Variants in CSMD3 observed in about 807,000 individuals in gnomAD.
The protein encoded by CSMD3 is CUB and Sushi multiple domains 3.
Under a neutral mutation model 435.2 loss-of-function variants are expected in CSMD3, and 177 were observed. The observed-to-expected ratio is 0.41, with a 90% confidence interval of 0.36 to 0.46. The LOEUF (loss-of-function observed/expected upper bound fraction) is 0.46, where lower values mean the gene tolerates loss of function less well. CSMD3 is among the 20% of genes least tolerant of loss of function. The pLI, the probability that CSMD3 is intolerant of heterozygous loss-of-function variation, is 0.34. For synonymous variants in CSMD3, 1,656 were observed against 1,520.5 expected, an observed-to-expected ratio of 1.09 and a Z score of -2.07; for missense variants, 4,265 against 4,504.6, an observed-to-expected ratio of 0.95 and a Z score of 1.52.
chr8:113,163,432 ATAT>A (rs1375992620), intron 4 of CSMD3, among the ~76,000 whole-genome samples: 1 of 152,022 alleles, frequency 6.6e-6, no homozygotes, highest in Non-Finnish European at 1.5e-5. Flanking sequence ...TTAATGTCTG[ATAT>A]TATATTTATA....
rs2131255543 is a variant in CSMD3 at position 112,383,649 on chromosome 8, G to A, written c.5949C>T (p.Ser1983=). 1 of 1,601,378 alleles carries A rather than the reference G, an allele frequency of 6.2e-7. No homozygotes were observed. The highest frequency in any genetic ancestry group is 1.7e-5 in the Admixed American group (1 of 59,986). The change falls in exon 37 of 71, where the codon AGC becomes AGT. Residue 1983 remains serine, a synonymous_variant. Coordinates refer to ENST00000297405, the MANE Select transcript of CSMD3 (RefSeq NM_198123.2). ...EGAGIQVQVV[S]FATEHNWDSL... ...AATCCCAATTATGTTCTGTAGCAAAGCTAACAACTTGCACCTGTGAAATAA... is the reference window on the plus strand; with the variant it reads ...AATCCCAATTATGTTCTGTAGCAAAACTAACAACTTGCACCTGTGAAATAA...
intron 24 of CSMD3, among the ~76,000 whole-genome samples, chr8:112,564,529 A>T (rs1443873519): frequency 2.0e-5 from 3 of 152,110 alleles, no homozygotes; most frequent in African/African-American, 7.2e-5. Flanking sequence ...TGGAAATGCA[A>T]AGTGTGTGAA....
chr8:112,952,186 A>G (rs2130819110), intron 8 of CSMD3, among the ~76,000 whole-genome samples: 1 of 151,588 alleles, frequency 6.6e-6, no homozygotes, highest in Admixed American at 6.6e-5. Flanking sequence ...GCCTTTTAAC[A>G]GCCAAACTCT....
At chr8:112,259,485 A>G (rs571062404) in intron 61 of CSMD3, among the ~76,000 whole-genome samples, 1 of 152,116 alleles carries the variant, frequency 6.6e-6, no homozygotes, top group South Asian at 2.1e-4. Flanking sequence ...AAAATACCTA[A>G]CGTAGGTGAC....
chr8:112,895,707 T>A lies in CSMD3; in HGVS notation c.1633+25920A>T, dbSNP rs1280173465. Among the ~76,000 whole-genome samples, 5 of 151,390 alleles carry A rather than the reference T, an allele frequency of 3.3e-5. No individual in the cohort carries two copies. The East Asian group carries it at 9.8e-4, about 30-fold the overall frequency. On this transcript the variant is annotated intron_variant, in intron 10 of 70. Coordinates refer to ENST00000297405, the MANE Select transcript of CSMD3 (RefSeq NM_198123.2). ...GAAAAGGAGCAACTTTGAGGAAAAA[T>A]AAAGTGTTAATGTTAAACAACTTAA... is the stretch of plus-strand genomic sequence containing the variant.
At chr8:113,030,782 C>A (rs530871300) in intron 5 of CSMD3, among the ~76,000 whole-genome samples, 10 of 151,352 alleles carry the variant, frequency 6.6e-5, no homozygotes, top group Non-Finnish European at 1.3e-4. Flanking sequence ...TGACACAGAA[C>A]TTATATCTAG....
At chr8:113,024,288 T>G (rs1564221984) in intron 5 of CSMD3, among the ~76,000 whole-genome samples, 1 of 60,424 alleles carries the variant, frequency 1.7e-5, no homozygotes, top group African/African-American at 6.2e-5. Flanking sequence ...CCACTGAGTA[T>G]TGTGTGTGTG....
intron 10 of CSMD3, among the ~76,000 whole-genome samples, chr8:112,900,878 T>G (rs980580037): frequency 1.9e-4 from 28 of 151,210 alleles, no homozygotes; most frequent in African/African-American, 6.3e-4. Context: ...AGATATTAGG[T>G]AGAGGCTTCT....
intron 13 of CSMD3, among the ~76,000 whole-genome samples, chr8:112,696,617 A>T (rs1370931428): frequency 6.6e-6 from 1 of 152,212 alleles, no homozygotes; most frequent in Non-Finnish European, 1.5e-5. Flanking sequence ...AAAAACATAA[A>T]AACCCAAGAA....
chr8:113,188,236 C>T (rs1444183920), intron 3 of CSMD3, among the ~76,000 whole-genome samples: 1 of 151,962 alleles, frequency 6.6e-6, no homozygotes, highest in Non-Finnish European at 1.5e-5. Flanking sequence ...AATGCTCTGT[C>T]TATTCAATTG....
In CSMD3 at chr8:112,975,884, G is replaced by A. The variant is rs2130932030; in HGVS notation, c.1295C>T (p.Ala432Val). Reference sequence around the variant, plus strand: ...CTCTTTAGTTCTTTCTATCTGTTCAGCATGTCTTGGTCTTCTCCTGGTACT... The same window carrying A: ...CTCTTTAGTTCTTTCTATCTGTTCAACATGTCTTGGTCTTCTCCTGGTACT... ...TQSTRRRPRH[A>V]EQIERTKELA... The change falls in exon 7 of 71, where the codon GCT becomes GTT. Residue 432 changes from alanine to valine, a missense_variant. Ala to Val is a moderately conservative substitution (Grantham distance 64, BLOSUM62 0). Around this residue, in one of 3 missense-constraint regions of CSMD3, gnomAD observed 731 missense variants for 755.4 expected, o/e 0.97. Transcript: ENST00000297405. 2 of 1,613,870 alleles carry A rather than the reference G, an allele frequency of 1.2e-6. No individual in the cohort carries two copies. Among genetic ancestry groups the A allele is most frequent in the Non-Finnish European group, 1.7e-6 (2 of 1,179,912 alleles).
chr8:113,067,919 T>C (rs1302970183), intron 5 of CSMD3, among the ~76,000 whole-genome samples: 1 of 152,056 alleles, frequency 6.6e-6, no homozygotes, highest in Non-Finnish European at 1.5e-5. Flanking sequence ...TCTGCTTCAG[T>C]GGTTTAAATG....
At chr8:112,432,761 A>T (rs1813851802) in intron 32 of CSMD3, among the ~76,000 whole-genome samples, 1 of 152,076 alleles carries the variant, frequency 6.6e-6, no homozygotes, top group Non-Finnish European at 1.5e-5. Context: ...CACATTTTTT[A>T]ATGTGGGTCT....
chr8:112,780,267 C>CA (rs1326011370), intron 13 of CSMD3, among the ~76,000 whole-genome samples: 17 of 152,156 alleles, frequency 1.1e-4, no homozygotes, highest in African/African-American at 4.1e-4. Context: ...TATAGTTCCC[C>CA]ATTGGCTCAG....
intron 30 of CSMD3, among the ~76,000 whole-genome samples, chr8:112,496,591 G>A (rs556144248): frequency 5.5e-4 from 84 of 152,136 alleles, no homozygotes; most frequent in Non-Finnish European, 1.0e-3. Context: ...AAAAAAAAGT[G>A]GCACATATAT....
chr8:112,561,749 T>A (rs1828643249), intron 24 of CSMD3, among the ~76,000 whole-genome samples: 1 of 151,756 alleles, frequency 6.6e-6, no homozygotes, highest in Admixed American at 6.6e-5. Flanking sequence ...TATCTATACA[T>A]CAATGAGCAA....
chr8:112,616,562 T>C (rs574056132), intron 22 of CSMD3, among the ~76,000 whole-genome samples: 1 of 152,136 alleles, frequency 6.6e-6, no homozygotes, highest in African/African-American at 2.4e-5. Context: ...ACCACAAGGG[T>C]CACAAGTGCA....
chr8:113,249,900 G>C (rs1207962777), intron 3 of CSMD3, among the ~76,000 whole-genome samples: 1 of 151,886 alleles, frequency 6.6e-6, no homozygotes, highest in Non-Finnish European at 1.5e-5. Context: ...GACCAACTGG[G>C]GAACAGTTCT....
intron 22 of CSMD3, among the ~76,000 whole-genome samples, chr8:112,629,264 C>G (rs2074444483): frequency 6.6e-6 from 1 of 151,924 alleles, no homozygotes; most frequent in East Asian, 1.9e-4. Flanking sequence ...TGTGGTGGCA[C>G]CATCACAGCT....
Sources: gnomAD v4.1 joint callset for allele counts (sites outside exome capture counted in the v4.1 genomes callset) on GRCh38, gnomAD v4.1.1 for gene constraint, gnomAD v4.1.1 regional missense constraint, MANE v1.5 for transcripts, NCBI Gene and HGNC (gene_info 2026-07-23, HGNC 2026-07-21) for gene names.